Variants in TENT4A observed in about 807,000 individuals in gnomAD.
The protein encoded by TENT4A is terminal nucleotidyltransferase 4A.
A neutral mutation model predicts 72.8 loss-of-function variants in TENT4A; 7 were observed. That is an observed-to-expected ratio of 0.10 (90% CI 0.05 to 0.18). TENT4A has a LOEUF of 0.18. Among genes scored for constraint, TENT4A ranks in the 10% least tolerant of loss-of-function variants. TENT4A has a pLI of 1.00. For missense variants in TENT4A, 831 were observed against 1,017.7 expected (o/e 0.82, Z 2.50); for synonymous variants, 456 against 434.3 (o/e 1.05, Z -0.62).
In TENT4A at chr5:6,756,281, T is replaced by C. The variant is rs1742695698; in HGVS notation, c.*1336T>C. On this transcript the variant is annotated 3_prime_UTR_variant, in exon 13 of 13. Transcript: ENST00000230859. ...TATCCATCCTGCCTAACCCTGAGTT[T>C]TTGGAGCACCACAGTTGTCCTGGGA... The C allele has an allele frequency of 6.6e-6, 1 of 152,578 alleles. No individual in the cohort carries two copies. Among genetic ancestry groups the C allele is most frequent in the Non-Finnish European group, 1.5e-5 (1 of 68,034 alleles). 9.5% of individuals were successfully genotyped at this position (152,578 alleles called of 1,614,324 possible).
At chr5:6,743,390 T>C (rs1741923491) in intron 5 of TENT4A, among the ~76,000 whole-genome samples, 1 of 152,164 alleles carries the variant, frequency 6.6e-6, no homozygotes, top group Non-Finnish European at 1.5e-5. Flanking sequence ...CCTCATGGCC[T>C]GTGTAGCAAG....
chr5:6,752,152 G>A (rs759763102), intron 11 of TENT4A, among the ~76,000 whole-genome samples: 1 of 152,214 alleles, frequency 6.6e-6, no homozygotes, highest in Non-Finnish European at 1.5e-5. Flanking sequence ...TGTCACAAAG[G>A]TGTTTGTTTT....
intron 1 of TENT4A, among the ~76,000 whole-genome samples, chr5:6,730,852 A>T (rs985616806): frequency 6.6e-6 from 1 of 152,212 alleles, no homozygotes; most frequent in Admixed American, 6.5e-5. Context: ...AATAAATAAA[A>T]ATGATTTATA....
chr5:6,743,160 C>T (rs1022537292), intron 5 of TENT4A, among the ~76,000 whole-genome samples: 2 of 152,152 alleles, frequency 1.3e-5, no homozygotes, highest in African/African-American at 4.8e-5. Flanking sequence ...TTAGCAGGGG[C>T]AAATCCACCC....
Position 6,714,327 on chromosome 5 carries a change from C to G in TENT4A, c.344C>G (p.Ser115Cys). ...TCGCTGTCGTCCTCGTCGTCGTCCT[C>G]CTCGTCCAACGCGGAGTCGGGCACC... ...SPSLSSSSSSSSSNAESGTES... is the reference protein window; with the variant it reads ...SPSLSSSSSSCSSNAESGTES... The change falls in exon 1 of 13, where the codon TCC becomes TGC. Residue 115 changes from serine to cysteine, a missense_variant. This residue lies in a region of TENT4A where 302 missense variants were observed against 293.8 expected (regional missense o/e 1.03). Transcript: ENST00000230859. 8.9e-7 allele frequency: 1 copy of G among 1,123,052 alleles called. No individual in the cohort carries two copies. The highest frequency in any genetic ancestry group is 3.8e-4 in the Middle Eastern group (1 of 2,618). 69.6% of individuals were successfully genotyped at this position (1,123,052 alleles called of 1,614,324 possible).
intron 12 of TENT4A, 88 bp downstream of exon 12, chr5:6,753,125 C>G (rs1301644529): frequency 1.6e-6 from 2 of 1,265,660 alleles, no homozygotes; most frequent in Non-Finnish European, 2.2e-6. Context: ...AGAGAGAATT[C>G]CAGAGAGATC....
chr5:6,737,122 TG>T (rs1437003718), intron 1 of TENT4A, among the ~76,000 whole-genome samples: 1 of 152,246 alleles, frequency 6.6e-6, no homozygotes, highest in East Asian at 1.9e-4. Flanking sequence ...CATGGGGCCT[TG>T]GGGCCTGTGC....
intron 10 of TENT4A, 56 bp from the exon 11 acceptor site, chr5:6,750,983 T>C: frequency 6.4e-7 from 1 of 1,572,684 alleles, no homozygotes; most frequent in Non-Finnish European, 8.7e-7. Flanking sequence ...TTTAAGGAAG[T>C]AGTAGTGCAC....
intron 6 of TENT4A, among the ~76,000 whole-genome samples, chr5:6,745,098 C>A (rs1287750334): frequency 6.6e-6 from 1 of 152,194 alleles, no homozygotes; most frequent in African/African-American, 2.4e-5. Flanking sequence ...GTGGCAGCAT[C>A]TGAGTTTCTT....
At chr5:6,727,693 A>T (rs1280701317) in intron 1 of TENT4A, among the ~76,000 whole-genome samples, 1 of 152,138 alleles carries the variant, frequency 6.6e-6, no homozygotes, top group East Asian at 1.9e-4. Flanking sequence ...TGACCAACCT[A>T]AAGTTCACAG....
At chr5:6,746,933 T>A (rs1215147492) in intron 7 of TENT4A, among the ~76,000 whole-genome samples, 1 of 152,204 alleles carries the variant, frequency 6.6e-6, no homozygotes, top group Non-Finnish European at 1.5e-5. Flanking sequence ...GTCGTGAGGA[T>A]TGCCGCATTG....
At position 6,742,687 on chromosome 5, in the gene TENT4A, GCA is replaced by G. The variant is rs569193493; in HGVS notation, c.1116+97_1116+98del. ...CCTACGATGTTTACAGCTGTCAGCTGCACACACAAGTCTTTCGTAACACAGAC... is the reference window on the plus strand; with the variant it reads ...CCTACGATGTTTACAGCTGTCAGCTGCACACAAGTCTTTCGTAACACAGAC... On this transcript the variant is annotated intron_variant, in intron 5 of 12. Transcript: ENST00000230859. 1.4e-3 allele frequency: 1,078 copies of G among 748,726 alleles called. 3 individuals carry two copies. Among genetic ancestry groups the G allele is most frequent in the Middle Eastern group, 2.1e-3 (8 of 3,814 alleles). 46.4% of individuals were successfully genotyped at this position (748,726 alleles called of 1,614,324 possible). A position where few individuals can be genotyped will look rare whatever the true frequency, so the allele number is the denominator to read the frequency against.
intron 12 of TENT4A, among the ~76,000 whole-genome samples, chr5:6,754,032 G>A (rs1327642057): frequency 6.6e-6 from 1 of 152,208 alleles, no homozygotes; most frequent in African/African-American, 2.4e-5. Context: ...ATGTGCTTTG[G>A]GTGTAGCCCA....
At position 6,714,314 on chromosome 5, in the gene TENT4A, T is replaced by A. The variant is rs954915147; in HGVS notation, c.331T>A (p.Ser111Thr). ...GCACAAGTCGCCGTCGCTGTCGTCCTCGTCGTCGTCCTCCTCGTCCAACGC... is the reference window on the plus strand; with the variant it reads ...GCACAAGTCGCCGTCGCTGTCGTCCACGTCGTCGTCCTCCTCGTCCAACGC... ...RLHKSPSLSS[S>T]SSSSSSNAES... Residue 111 changes from serine (S) to threonine (T), a missense_variant, in exon 1 of 13, where the codon TCG becomes ACG. Ser to Thr is a moderately conservative substitution (Grantham distance 58, BLOSUM62 1). Transcript: ENST00000230859. 1 of 1,110,222 alleles carries A rather than the reference T, an allele frequency of 9.0e-7. No individual in the cohort carries two copies. The highest frequency in any genetic ancestry group is 1.7e-5 in the African/African-American group (1 of 59,356). 68.8% of individuals were successfully genotyped at this position (1,110,222 alleles called of 1,614,324 possible).
At position 6,751,158 on chromosome 5, in the gene TENT4A, C is replaced by T. The variant is rs1254612245; in HGVS notation, c.1980C>T (p.Pro660=). 5 of 1,614,122 alleles carry T rather than the reference C, an allele frequency of 3.1e-6. No individual in the cohort carries two copies. The Admixed American group carries it at 8.3e-5, about 27-fold the overall frequency. ...CAATGCCCAGTGGCAAACCTCAGCC[C>T]ACCACTTCCAGAACACTGATCATGA... ...ALPMPSGKPQ[P]TTSRTLIMTT... The change falls in exon 11 of 13, where the codon CCC becomes CCT. Residue 660 remains proline, a synonymous_variant. Transcript: ENST00000230859.
chr5:6,720,572 A>C (rs1740595752), intron 1 of TENT4A, among the ~76,000 whole-genome samples: 1 of 152,000 alleles, frequency 6.6e-6, no homozygotes, highest in African/African-American at 2.4e-5. Flanking sequence ...ACTACTCGGG[A>C]GGCAGAGGCA....
intron 1 of TENT4A, among the ~76,000 whole-genome samples, chr5:6,732,229 C>T (rs1035262209): frequency 1.3e-5 from 2 of 152,186 alleles, no homozygotes; most frequent in Admixed American, 6.5e-5. Flanking sequence ...CTCTTTGGCC[C>T]CAGCTTCAAA....
intron 4 of TENT4A, among the ~76,000 whole-genome samples, chr5:6,741,108 A>G (rs1197225521): frequency 2.6e-5 from 4 of 152,204 alleles, no homozygotes; most frequent in African/African-American, 4.8e-5. Flanking sequence ...GAGGCCACAC[A>G]GTAGGTTGAG....
At chr5:6,745,154 T>C (rs190093066) in intron 6 of TENT4A, among the ~76,000 whole-genome samples, 2 of 152,298 alleles carry the variant, frequency 1.3e-5, no homozygotes, top group Admixed American at 6.5e-5. Flanking sequence ...GCCAGGCTCT[T>C]GGATATGTGA....
Sources: gnomAD v4.1 joint callset for allele counts (sites outside exome capture counted in the v4.1 genomes callset) on GRCh38, gnomAD v4.1.1 for gene constraint, gnomAD v4.1.1 regional missense constraint, MANE v1.5 for transcripts, NCBI Gene and HGNC (gene_info 2026-07-23, HGNC 2026-07-21) for gene names.